The following DYNC1I1 variants were observed in gnomAD, a reference collection of about 807,000 sequenced individuals.
The protein encoded by DYNC1I1 is dynein cytoplasmic 1 intermediate chain 1.
Under a neutral mutation model 86.6 loss-of-function variants are expected in DYNC1I1, and 43 were observed. The observed-to-expected ratio is 0.50, with a 90% CI of 0.39 to 0.64. The LOEUF is 0.64. DYNC1I1 is among the 30% of genes least tolerant of loss of function. The pLI, the probability that DYNC1I1 is intolerant of heterozygous loss-of-function variation, is 0.00. For missense variants in DYNC1I1, 604 were observed against 788.8 expected (o/e 0.77, Z 2.81); for synonymous variants, 262 against 283.7 (o/e 0.92, Z 0.77).
intron 4 of DYNC1I1, among the ~76,000 whole-genome samples, chr7:95,816,962 G>T (rs1405082059): frequency 6.6e-6 from 1 of 152,172 alleles, no homozygotes. Flanking sequence ...ATACATAAGA[G>T]TGAAGCATTA....
intron 1 of DYNC1I1, among the ~76,000 whole-genome samples, chr7:95,787,243 G>A (rs1794172693): frequency 6.6e-6 from 1 of 152,166 alleles, no homozygotes; most frequent in Non-Finnish European, 1.5e-5. Flanking sequence ...TCTGAACTCT[G>A]CTGAGAACTT....
At chr7:95,858,530 G>T (rs1452088349) in intron 5 of DYNC1I1, among the ~76,000 whole-genome samples, 1 of 152,018 alleles carries the variant, frequency 6.6e-6, no homozygotes, top group African/African-American at 2.4e-5. Context: ...AATATATAAT[G>T]TACATAATTA....
intron 6 of DYNC1I1, among the ~76,000 whole-genome samples, chr7:95,933,707 A>T (rs1791963864): frequency 6.6e-6 from 1 of 151,968 alleles, no homozygotes. Flanking sequence ...GCAGTGACAC[A>T]TTTTTTTTAA....
intron 4 of DYNC1I1, among the ~76,000 whole-genome samples, chr7:95,816,657 A>AAT (rs386410759): frequency 6.6e-6 from 1 of 151,654 alleles, no homozygotes; most frequent in East Asian, 1.9e-4. Context: ...ATAAATGAAA[A>AAT]ATCTTTGATA....
chr7:96,077,239 TTG>T (rs3047672), intron 15 of DYNC1I1, among the ~76,000 whole-genome samples: 22,958 of 144,190 alleles, frequency 0.16, 1,809 homozygotes, highest in East Asian at 0.29. Context: ...TCCCTAGTAT[TTG>T]TGTGTGTGTG....
Position 96,002,828 on chromosome 7 carries a change from GGTTTTTTTTGT to G in DYNC1I1, c.969+6767_969+6777del, listed in dbSNP as rs1794045910. 3.3e-5 allele frequency among the ~76,000 whole-genome samples: 5 copies of G among 151,094 alleles called. No individual in the cohort carries two copies. The South Asian group carries it at 1.0e-3, about 32-fold the overall frequency. ...TTTTTTTGGTTTTGGTTTTTTTTTG[GGTTTTTTTTGT>G]GTTTTTTTTGTTTGTTTGTTTTTGA... On this transcript the variant is annotated intron_variant, in intron 10 of 16. Coordinates refer to ENST00000447467, the MANE Select transcript of DYNC1I1 (RefSeq NM_001135556.2).
chr7:96,109,198 T>C (rs1372700728), intron 16 of DYNC1I1, among the ~76,000 whole-genome samples: 1 of 152,006 alleles, frequency 6.6e-6, no homozygotes, highest in Non-Finnish European at 1.5e-5. Context: ...CTTATTTTCC[T>C]GCTTTCTTTT....
chr7:96,035,829 C>T, intron 13 of DYNC1I1, 77 bp downstream of exon 13: 1 of 1,575,688 alleles, frequency 6.3e-7, no homozygotes, highest in Non-Finnish European at 8.6e-7. Context: ...ATTTTAACCA[C>T]CTTGCATTAT....
intron 5 of DYNC1I1, among the ~76,000 whole-genome samples, chr7:95,842,447 G>T (rs983382934): frequency 6.6e-6 from 1 of 152,174 alleles, no homozygotes; most frequent in Admixed American, 6.5e-5. Flanking sequence ...ATAGACGTGG[G>T]GCTTTGGGCA....
intron 6 of DYNC1I1, among the ~76,000 whole-genome samples, chr7:95,943,040 A>G: frequency 8.6e-6 from 1 of 116,012 alleles, no homozygotes; most frequent in Non-Finnish European, 1.8e-5. Flanking sequence ...AGGCAGGAGA[A>G]GGAAATAAAG....
chr7:95,853,421 T>A (rs1035132630), intron 5 of DYNC1I1, among the ~76,000 whole-genome samples: 4 of 152,188 alleles, frequency 2.6e-5, no homozygotes, highest in African/African-American at 9.6e-5. Context: ...CTTGCCATAT[T>A]TGGTCCCTTG....
chr7:95,913,049 C>T (rs1002852135), intron 6 of DYNC1I1, among the ~76,000 whole-genome samples: 13 of 152,230 alleles, frequency 8.5e-5, no homozygotes, highest in Admixed American at 8.5e-4. Flanking sequence ...CAAAAATAGT[C>T]TGTTAATATT....
intron 15 of DYNC1I1, among the ~76,000 whole-genome samples, chr7:96,076,829 T>C (rs1790355521): frequency 6.6e-6 from 1 of 152,202 alleles, no homozygotes; most frequent in Non-Finnish European, 1.5e-5. Context: ...TTACAGCAAG[T>C]GAAAATACCC....
intron 10 of DYNC1I1, among the ~76,000 whole-genome samples, chr7:96,006,387 C>G (rs773782987): frequency 5.3e-5 from 8 of 152,126 alleles, no homozygotes; most frequent in Non-Finnish European, 1.2e-4. Context: ...CTTTCTCCCC[C>G]TCCCCAGTCA....
chr7:96,055,684 G>A (rs188939478), intron 14 of DYNC1I1: 1 of 151,918 alleles, frequency 6.6e-6, no homozygotes, highest in African/African-American at 2.4e-5. Flanking sequence ...GCACTAAATT[G>A]TGAAACAAGG....
intron 11 of DYNC1I1, 85 bp from the exon 12 acceptor site, chr7:96,032,582 T>G: frequency 9.7e-7 from 1 of 1,026,396 alleles, no homozygotes; most frequent in East Asian, 2.4e-5. Context: ...CTTTAATCCT[T>G]GTTTTAGAGT....
intron 1 of DYNC1I1, among the ~76,000 whole-genome samples, chr7:95,793,617 T>C (rs112830280): frequency 3.1e-3 from 466 of 152,280 alleles, no homozygotes; most frequent in African/African-American, 0.011. Flanking sequence ...GGCTAGCAGA[T>C]GTTGGTTGCA....
intron 5 of DYNC1I1, among the ~76,000 whole-genome samples, chr7:95,860,085 C>T (rs935129038): frequency 2.6e-5 from 4 of 152,138 alleles, no homozygotes; most frequent in East Asian, 3.9e-4. Context: ...TTTTCATGCA[C>T]GGTTATTCAA....
chr7:95,893,705 G>A (rs1790804649), intron 6 of DYNC1I1, among the ~76,000 whole-genome samples: 1 of 152,166 alleles, frequency 6.6e-6, no homozygotes, highest in Non-Finnish European at 1.5e-5. Context: ...TAGAGATCTA[G>A]GAAATACTGA....
Sources: gnomAD v4.1 joint callset for allele counts (sites outside exome capture counted in the v4.1 genomes callset) on GRCh38, gnomAD v4.1.1 for gene constraint, MANE v1.5 for transcripts, NCBI Gene and HGNC (gene_info 2026-07-23, HGNC 2026-07-21) for gene names.